The following SAMMSON variants were observed in gnomAD, a reference collection of about 807,000 sequenced individuals.
The protein encoded by SAMMSON is survival associated mitochondrial melanoma specific oncogenic non-coding RNA.
At chr3:70,304,755 T>C (rs1184449366) in intron 7 of SAMMSON, among the ~76,000 whole-genome samples, 3 of 152,196 alleles carry the variant, frequency 2.0e-5, no homozygotes, top group Non-Finnish European at 1.5e-5. Flanking sequence ...GCAATATAAA[T>C]GACTGCATAT....
chr3:70,242,955 A>T (rs949507134), intron 4 of SAMMSON, among the ~76,000 whole-genome samples: 1 of 152,194 alleles, frequency 6.6e-6, no homozygotes, highest in Non-Finnish European at 1.5e-5. Context: ...GACTTTAAAA[A>T]AATTGCCCCA....
rs192241152 is a variant in SAMMSON, at chr3:70,297,016, G to A, written n.739+5773G>A. On this transcript the variant is annotated intron_variant and non_coding_transcript_variant, in intron 7 of 9. Coordinates refer to ENST00000642114, the Ensembl canonical transcript of SAMMSON. ...CAACCGCCTCCCCCACCACACATAC[G>A]CACATACTATGGCTTAACCAAGGTG... Among the ~76,000 whole-genome samples, 6 of 151,720 alleles carry A rather than the reference G, an allele frequency of 4.0e-5. No homozygotes were observed. The South Asian group carries it at 6.2e-4, about 16-fold the overall frequency.
chr3:70,197,387 T>G (rs1026280951), intron 4 of SAMMSON, among the ~76,000 whole-genome samples: 1 of 152,220 alleles, frequency 6.6e-6, no homozygotes, highest in African/African-American at 2.4e-5. Flanking sequence ...CTTTATTAAC[T>G]TCCTGAGCAT....
intron 7 of SAMMSON, among the ~76,000 whole-genome samples, chr3:70,303,031 A>G (rs1273837232): frequency 1.3e-5 from 2 of 152,196 alleles, no homozygotes; most frequent in African/African-American, 4.8e-5. Context: ...AGAGAATCAA[A>G]ATGATTTTGA....
chr3:70,389,339 G>A lies in SAMMSON; in HGVS notation n.914-235G>A, dbSNP rs191833825. ...TTTTTCTTGGCAAGGAAGAAGATGG[G>A]GAGGGAGAGTTGCCAAAAACTCAGT... On this transcript the variant is annotated intron_variant and non_coding_transcript_variant, in intron 9 of 9. Coordinates refer to ENST00000642114, the Ensembl canonical transcript of SAMMSON. Among the ~76,000 whole-genome samples the A allele has an allele frequency of 2.9e-4, 44 of 152,184 alleles. No individual in the cohort carries two copies. In the East Asian group the frequency reaches 7.5e-3, roughly 26 times the overall value.
chr3:70,391,620 G>A (rs1055743673), downstream of SAMMSON, among the ~76,000 whole-genome samples: 4 of 152,072 alleles, frequency 2.6e-5, no homozygotes, highest in Admixed American at 2.0e-4. Flanking sequence ...AGAGGGCAAT[G>A]TCTTGGTTTC....
At chr3:70,337,084 CT>C (rs1559566754) in intron 7 of SAMMSON, among the ~76,000 whole-genome samples, 9 of 35,380 alleles carry the variant, frequency 2.5e-4, no homozygotes, top group African/African-American at 8.4e-4. Context: ...ACTTAATATT[CT>C]TATTAATAAT....
rs533852507 is a variant in SAMMSON at position 70,321,062 on chromosome 3, A to T, written n.739+29819A>T. Among the ~76,000 whole-genome samples, 7 of 152,176 alleles carry T rather than the reference A, an allele frequency of 4.6e-5. No individual in the cohort carries two copies. In the East Asian group the frequency reaches 1.4e-3, roughly 29 times the overall value. On this transcript the variant is annotated intron_variant and non_coding_transcript_variant, in intron 7 of 9. Coordinates refer to ENST00000642114, the Ensembl canonical transcript of SAMMSON. ...TTAGCAATTATGTTTATTATGAGTG[A>T]TTTTTGATTTTGCAACTTTATTGAA...
In SAMMSON at chr3:70,287,957, T is replaced by A. The variant is rs529585429; in HGVS notation, n.675-3222T>A. Among the ~76,000 whole-genome samples, 424 of 152,294 alleles carry A rather than the reference T, an allele frequency of 2.8e-3. 3 individuals carry two copies. The highest frequency in any genetic ancestry group is 9.3e-3 in the African/African-American group (388 of 41,554). ...ATTTGATTCTTCTCTCTTTTTTTCT[T>A]TATTAGTCTTGCTAGCAGTCTATCT... On this transcript the variant is annotated intron_variant and non_coding_transcript_variant, in intron 6 of 9. Coordinates refer to ENST00000642114, the Ensembl canonical transcript of SAMMSON.
intron 7 of SAMMSON, among the ~76,000 whole-genome samples, chr3:70,321,845 A>T (rs1028887911): frequency 1.8e-4 from 27 of 152,164 alleles, no homozygotes; most frequent in African/African-American, 5.8e-4. Flanking sequence ...GAGACAGTAG[A>T]CCAGATACTA....
intron 4 of SAMMSON, among the ~76,000 whole-genome samples, chr3:70,209,471 T>C (rs1701321394): frequency 6.6e-6 from 1 of 151,842 alleles, no homozygotes. Context: ...TCACAAAGAG[T>C]CTAGGAGGTA....
chr3:70,276,584 C>T (rs1378635555), intron 6 of SAMMSON, among the ~76,000 whole-genome samples: 1 of 152,100 alleles, frequency 6.6e-6, no homozygotes, highest in Non-Finnish European at 1.5e-5. Flanking sequence ...TAGACACCTA[C>T]CTGAGGATAC....
At chr3:70,158,480 A>G (rs887839210) in intron 4 of SAMMSON, among the ~76,000 whole-genome samples, 3 of 151,934 alleles carry the variant, frequency 2.0e-5, no homozygotes, top group Non-Finnish European at 4.4e-5. Flanking sequence ...GGATGTTTCC[A>G]AGTTTTAGCT....
intron 4 of SAMMSON, among the ~76,000 whole-genome samples, chr3:70,200,167 C>G (rs1042443302): frequency 6.6e-6 from 1 of 152,200 alleles, no homozygotes; most frequent in East Asian, 1.9e-4. Flanking sequence ...CATTTTAGCT[C>G]TGGCCACCAT....
chr3:70,389,189 C>T (rs1280442142), intron 9 of SAMMSON, among the ~76,000 whole-genome samples: 1 of 152,040 alleles, frequency 6.6e-6, no homozygotes, highest in African/African-American at 2.4e-5. Context: ...GAATTGTTAG[C>T]AAAATGAACC....
At chr3:70,057,359 A>T (rs1361809147) in intron 3 of SAMMSON, among the ~76,000 whole-genome samples, 1 of 152,038 alleles carries the variant, frequency 6.6e-6, no homozygotes. Context: ...ATTCATTTTA[A>T]AAGAATGTTT....
chr3:70,215,571 TC>T (rs1314229220), intron 4 of SAMMSON, among the ~76,000 whole-genome samples: 1 of 152,102 alleles, frequency 6.6e-6, no homozygotes, highest in Non-Finnish European at 1.5e-5. Context: ...CCCCTGCAAC[TC>T]CAATCCCAAT....
intron 4 of SAMMSON, among the ~76,000 whole-genome samples, chr3:70,191,010 C>T (rs1701128057): frequency 6.6e-6 from 1 of 152,212 alleles, no homozygotes; most frequent in Admixed American, 6.5e-5. Flanking sequence ...CACGTTAATG[C>T]AGCTTTCTGC....
intron 4 of SAMMSON, among the ~76,000 whole-genome samples, chr3:70,121,127 T>G (rs953630158): frequency 6.6e-6 from 1 of 152,160 alleles, no homozygotes; most frequent in African/African-American, 2.4e-5. Context: ...ACAATAGGGT[T>G]CGCGCTCCTA....
Sources: allele counts gnomAD v4.1 joint callset (sites outside exome capture counted in the v4.1 genomes callset), GRCh38; gene constraint gnomAD v4.1.1; transcripts MANE v1.5; gene names NCBI Gene and HGNC (gene_info 2026-07-23, HGNC 2026-07-21).